The following PDE4A variants were observed in gnomAD, a reference collection of about 807,000 sequenced individuals.
PDE4A encodes the protein 3',5'-cyclic-AMP phosphodiesterase 4A.
Under a neutral mutation model 73.9 loss-of-function variants are expected in PDE4A, and 21 were observed. That is an observed-to-expected ratio of 0.28 (90% confidence interval 0.20 to 0.41). PDE4A has a LOEUF of 0.41. Ranked by LOEUF, PDE4A falls within the 10% of genes least tolerant of loss-of-function variation. PDE4A has a pLI of 1.00. For synonymous variants in PDE4A, 463 were observed against 505.4 expected (o/e 0.92, Z 1.13); for missense variants, 958 against 1,211.4 (o/e 0.79, Z 3.10).
intron 7 of PDE4A, 51 bp from the exon 8 acceptor site, chr19:10,457,828 C>G (rs753210626): frequency 6.2e-7 from 1 of 1,606,042 alleles, no homozygotes; most frequent in Non-Finnish European, 8.5e-7. Flanking sequence ...AAGGGAGCCT[C>G]CAGGGGTGGA....
intron 1 of PDE4A, among the ~76,000 whole-genome samples, chr19:10,440,899 ATT>A (rs59011127): frequency 7.6e-5 from 10 of 131,304 alleles, no homozygotes; most frequent in Admixed American, 1.5e-4. Flanking sequence ...CGCCCAGCCA[ATT>A]TTTTTTTTTT....
rs1394902719 is a variant in PDE4A, at chr19:10,459,735, A to G, written c.1341A>G (p.Val447=). Residue 447 remains valine (V), a synonymous_variant, in exon 10 of 15, where the codon GTA becomes GTG. Transcript: ENST00000380702. ...HAADVLQSTH[V]LLATPALDAV... is the part of the protein sequence containing the mutation. Reference sequence around the variant, plus strand: ...CTGACGTGCTGCAGTCCACCCACGTACTGCTGGCCACGCCTGCACTAGATG... The same window carrying G: ...CTGACGTGCTGCAGTCCACCCACGTGCTGCTGGCCACGCCTGCACTAGATG... 6.2e-7 allele frequency: 1 copy of G among 1,612,862 alleles called. No individual in the cohort carries two copies. The highest frequency in any genetic ancestry group is 8.5e-7 in the Non-Finnish European group (1 of 1,179,206).
chr19:10,437,137 T>C (rs920835407), intron 1 of PDE4A, among the ~76,000 whole-genome samples: 15 of 152,124 alleles, frequency 9.9e-5, no homozygotes, highest in Non-Finnish European at 1.9e-4. Flanking sequence ...GTGGCTTTTT[T>C]TGTTTGTTTG....
chr19:10,444,389 T>C (rs1170829422), intron 1 of PDE4A, among the ~76,000 whole-genome samples: 1 of 151,694 alleles, frequency 6.6e-6, no homozygotes, highest in Non-Finnish European at 1.5e-5. Flanking sequence ...TCCCAGCTAC[T>C]CGGGAGACTA....
intron 1 of PDE4A, among the ~76,000 whole-genome samples, chr19:10,444,719 G>A (rs2042981989): frequency 6.7e-6 from 1 of 148,370 alleles, no homozygotes; most frequent in Non-Finnish European, 1.5e-5. Context: ...TGCCCAGACT[G>A]GAGCGCAGTG....
chr19:10,444,123 G>A (rs2145515753), intron 1 of PDE4A, among the ~76,000 whole-genome samples: 1 of 152,242 alleles, frequency 6.6e-6, no homozygotes, highest in South Asian at 2.1e-4. Flanking sequence ...GCTCACGCCT[G>A]TAATCACAGC....
At chr19:10,446,162 G>C in intron 1 of PDE4A, 56 bp from the exon 2 acceptor site, 1 of 1,522,840 alleles carries the variant, frequency 6.6e-7, no homozygotes. Flanking sequence ...CATTCCTCTT[G>C]ACCTCCCTAA....
At position 10,436,281 on chromosome 19, in the gene PDE4A, C is replaced by T. The variant is rs546194238; in HGVS notation, c.321-9937C>T. 2.3e-4 allele frequency among the ~76,000 whole-genome samples: 35 copies of T among 152,276 alleles called. No individual in the cohort carries two copies. The South Asian group carries it at 7.3e-3, about 32-fold the overall frequency. On this transcript the variant is annotated intron_variant, in intron 1 of 14. Coordinates refer to ENST00000380702, the MANE Select transcript of PDE4A (RefSeq NM_001111307.2). ...TTAACAGGACTTATATGTTGCCAGG[C>T]GCAGTAGCTCACACCTGTAATCCCA...
At chr19:10,456,540 T>TA (rs1568380163) in intron 7 of PDE4A, among the ~76,000 whole-genome samples, 10 of 149,524 alleles carry the variant, frequency 6.7e-5, no homozygotes, top group Admixed American at 6.7e-5. Context: ...AAAAAATAAA[T>TA]AAATAAATAA....
intron 1 of PDE4A, among the ~76,000 whole-genome samples, chr19:10,435,021 G>A (rs912377629): frequency 1.3e-5 from 2 of 151,286 alleles, no homozygotes; most frequent in Admixed American, 1.3e-4. Context: ...GAGCCACGGC[G>A]CCTGGCCATA....
intron 6 of PDE4A, among the ~76,000 whole-genome samples, chr19:10,454,250 C>T (rs368406191): frequency 2.0e-5 from 3 of 152,288 alleles, no homozygotes; most frequent in Admixed American, 1.3e-4. Flanking sequence ...TCCCCTACCC[C>T]GGCCAAACCT....
rs2043428988 is a variant in PDE4A, at chr19:10,468,851, A to C, written c.*1230A>C. On this transcript the variant is annotated 3_prime_UTR_variant, in exon 15 of 15. Transcript: ENST00000380702. ...CTGAGCAATACGGCAGACAGATGCA[A>C]GACCATTTTTCTCCAAGCCATGGGG... 6.5e-6 allele frequency: 1 copy of C among 152,694 alleles called. No homozygotes were observed. Among genetic ancestry groups the C allele is most frequent in the Admixed American group, 6.6e-5 (1 of 15,234 alleles). The allele number at this position is 152,694 out of a possible 1,614,324, so 9.5% of individuals were successfully genotyped here. A position where few individuals can be genotyped will look rare whatever the true frequency, so the allele number is the denominator to read the frequency against.
chr19:10,458,124 G>A lies in PDE4A; in HGVS notation c.1101+22G>A, dbSNP rs368524544. ...CCAAGTGGGTGGGGGCTCAGTAGGG[G>A]CAGGGCTGGAGGGGGTGGTCTCCTG... On this transcript the variant is annotated intron_variant, in intron 8 of 14. Coordinates refer to ENST00000380702, the MANE Select transcript of PDE4A (RefSeq NM_001111307.2). This position sits in a 1 kb window ranked among gnomAD's most constrained non-coding sequence, Gnocchi z 4.6. The A allele has an allele frequency of 1.2e-6, 2 of 1,611,452 alleles. No individual in the cohort carries two copies. Among genetic ancestry groups the A allele is most frequent in the African/African-American group, 2.7e-5 (2 of 74,832 alleles).
intron 7 of PDE4A, 53 bp downstream of exon 7, chr19:10,454,975 G>A (rs74453701): frequency 1.7e-5 from 27 of 1,569,428 alleles, no homozygotes; most frequent in African/African-American, 2.7e-5. Flanking sequence ...GGGTAGAGAG[G>A]GGGCTGCCCC....
chr19:10,453,432 G>C lies in PDE4A; in HGVS notation c.784-1397G>C. 1.9e-4 allele frequency: 255 copies of C among 1,318,564 alleles called. No homozygotes were observed. Among genetic ancestry groups the C allele is most frequent in the Non-Finnish European group, 2.5e-4 (240 of 976,952 alleles). The allele number at this position is 1,318,564 out of a possible 1,614,324, so 81.7% of individuals were successfully genotyped here. A position where few individuals can be genotyped will look rare whatever the true frequency, so the allele number is the denominator to read the frequency against. ...TGCACGTGTGTGGCCTGGAGATGAA[G>C]CCTTGTGACTGTCTCTGTGTGTGGC... On this transcript the variant is annotated intron_variant, in intron 6 of 14. Transcript: ENST00000380702. The surrounding 1 kb of genome is among the most constrained non-coding windows in gnomAD (Gnocchi z 4.6).
intron 14 of PDE4A, among the ~76,000 whole-genome samples, chr19:10,465,683 C>CTGTTTTTTTTTTTTTTT (rs2043355042): frequency 2.1e-5 from 1 of 48,366 alleles, no homozygotes; most frequent in Non-Finnish European, 3.7e-5. Flanking sequence ...GTGGCTTTAG[C>CTGTTTTTTTTTTTTTTT]TTTTTTTTTT....
intron 2 of PDE4A, among the ~76,000 whole-genome samples, chr19:10,447,470 C>T (rs1406036296): frequency 6.6e-6 from 1 of 151,778 alleles, no homozygotes; most frequent in African/African-American, 2.4e-5. Context: ...CATGATCCGC[C>T]TACCTCGGCC....
At chr19:10,464,444 T>A (rs2043330132) in intron 14 of PDE4A, 3 of 455,158 alleles carry the variant, frequency 6.6e-6, no homozygotes, top group Non-Finnish European at 1.3e-5. Flanking sequence ...TGAGACCGGG[T>A]CTTGCACTGT....
chr19:10,431,832 G>A (rs1169021743), intron 1 of PDE4A, among the ~76,000 whole-genome samples: 1 of 152,176 alleles, frequency 6.6e-6, no homozygotes, highest in African/African-American at 2.4e-5. Context: ...CCCGCGTGGG[G>A]TCCGCAGGGT....
Sources: gnomAD v4.1 joint callset for allele counts (sites outside exome capture counted in the v4.1 genomes callset) on GRCh38, gnomAD v4.1.1 for gene constraint, Gnocchi (gnomAD v3.1) non-coding constraint, MANE v1.5 for transcripts, NCBI Gene and HGNC (gene_info 2026-07-23, HGNC 2026-07-21) for gene names.